Variants in FRMD1 observed in about 807,000 individuals in gnomAD.
FRMD1 encodes FERM domain containing 1.
Under a neutral mutation model 54.9 loss-of-function variants are expected in FRMD1, and 51 were observed. That is an observed-to-expected ratio of 0.93 (90% CI 0.74 to 1.17). The LOEUF is 1.17. Among genes scored for constraint, FRMD1 ranks in the 50% most tolerant of loss-of-function variants. The probability of loss-of-function intolerance (pLI) is 0.00; values close to 1 mark genes in which losing one functional copy is unlikely to be tolerated. For missense variants in FRMD1, 729 were observed against 743.0 expected (o/e 0.98, Z 0.22); for synonymous variants, 324 against 306.4 (o/e 1.06, Z -0.60).
In FRMD1 at chr6:168,089,728, C is replaced by T. The variant is rs188586542; in HGVS notation, c.-11-10704G>A. ...CCAGCGGGGAGCGGAAAATCGAAGG[C>T]GGACGGGCACAGCAACTCTGTTTTA... On this transcript the variant is annotated intron_variant, in intron 1 of 12. Transcript: ENST00000644440. Among the ~76,000 whole-genome samples the T allele has an allele frequency of 6.6e-3, 1,000 of 152,286 alleles. 2 individuals carry two copies. The highest frequency in any genetic ancestry group is 9.4e-3 in the Non-Finnish European group (639 of 68,008).
At chr6:168,075,150 G>A in intron 2 of FRMD1, 95 bp downstream of exon 2, 2 of 988,114 alleles carry the variant, frequency 2.0e-6, no homozygotes, top group Non-Finnish European at 3.2e-6. Flanking sequence ...GTATAACTGT[G>A]TACATTATGG....
upstream of FRMD1, among the ~76,000 whole-genome samples, chr6:168,086,355 C>T (rs1478924184): frequency 6.6e-6 from 1 of 151,952 alleles, no homozygotes; most frequent in Non-Finnish European, 1.5e-5. Context: ...ACCCATGTGC[C>T]CAGTGTGGAC....
At chr6:168,073,760 C>T (rs183870741) in intron 2 of FRMD1, among the ~76,000 whole-genome samples, 42 of 152,272 alleles carry the variant, frequency 2.8e-4, no homozygotes, top group African/African-American at 7.0e-4. Flanking sequence ...TAAAATCTCA[C>T]GCTCCCTTCA....
intron 2 of FRMD1, among the ~76,000 whole-genome samples, chr6:168,071,319 A>G (rs991168358): frequency 6.6e-6 from 1 of 152,272 alleles, no homozygotes; most frequent in South Asian, 2.1e-4. Context: ...TCAAAAATGT[A>G]CACAATTTAC....
Position 168,079,179 on chromosome 6 carries a change from C to G in FRMD1, c.-85G>C. ...GATCACAGCTGTGCTTTCCGGGACC[C>G]GCCCTTGCCGAGCTTCTCACTGGGA... On this transcript the variant is annotated 5_prime_UTR_variant, in exon 1 of 11. Transcript: ENST00000283309. 7.0e-7 allele frequency: 1 copy of G among 1,433,212 alleles called. No homozygotes were observed. Among genetic ancestry groups the G allele is most frequent in the Non-Finnish European group, 9.1e-7 (1 of 1,094,218 alleles). The allele number at this position is 1,433,212 out of a possible 1,614,324, so 88.8% of individuals were successfully genotyped here. A position where few individuals can be genotyped will look rare whatever the true frequency, so the allele number is the denominator to read the frequency against.
chr6:168,089,568 G>A (rs1014581836), intron 1 of FRMD1, among the ~76,000 whole-genome samples: 14 of 152,328 alleles, frequency 9.2e-5, no homozygotes, highest in East Asian at 3.9e-4. Context: ...ACTGTTTACC[G>A]TCACTGTGCA....
At chr6:168,078,855 C>T (rs775015348) in intron 1 of FRMD1, 27 bp downstream of exon 1, 2 of 1,538,226 alleles carry the variant, frequency 1.3e-6, no homozygotes, top group Admixed American at 1.8e-5. Flanking sequence ...TCTGTTTACC[C>T]CCACGGCCAC....
chr6:168,058,094 GGCCCGC>G (rs1799507386), intron 10 of FRMD1, among the ~76,000 whole-genome samples: 1 of 152,230 alleles, frequency 6.6e-6, no homozygotes, highest in African/African-American at 2.4e-5. Flanking sequence ...CACTGGGATG[GGCCCGC>G]GCCTGCCAGG....
At position 168,092,230 on chromosome 6, in the gene FRMD1, A is replaced by G. The variant is rs551283314; in HGVS notation, c.-12+9195T>C. On this transcript the variant is annotated intron_variant, in intron 1 of 12. Transcript: ENST00000644440. ...TATTCATCTATCATGTGTCCTGCTC[A>G]GTGTCACAGCAGCTCCTCCACCCCA... Among the ~76,000 whole-genome samples, 7 of 152,380 alleles carry G rather than the reference A, an allele frequency of 4.6e-5. No homozygotes were observed. The East Asian group carries it at 1.3e-3, about 29-fold the overall frequency.
At chr6:168,069,684 G>A (rs867608845) in intron 2 of FRMD1, among the ~76,000 whole-genome samples, 1 of 152,196 alleles carries the variant, frequency 6.6e-6, no homozygotes, top group African/African-American at 2.4e-5. Context: ...AACTCCTTAA[G>A]CTTAGTACTT....
In FRMD1 at chr6:168,065,033, G is replaced by A. The variant is rs761454212; in HGVS notation, c.486C>T (p.Tyr162=). 6.2e-7 allele frequency: 1 copy of A among 1,608,612 alleles called. No homozygotes were observed. The highest frequency in any genetic ancestry group is 8.5e-7 in the Non-Finnish European group (1 of 1,177,424). The change falls in exon 5 of 11, where the codon TAC becomes TAT. Residue 162 remains tyrosine, a synonymous_variant. Transcript: ENST00000283309. ...VISDHRARHL[Y]YCHLKERVLR... ...GCACGCGCTCCTTCAAGTGGCAGTA[G>A]TACAGGTGCCGTGCCCTGTGGTCGC...
At position 168,059,188 on chromosome 6, in the gene FRMD1, G is replaced by A. The variant is rs1438861566; in HGVS notation, c.1343C>T (p.Ala448Val). The A allele has an allele frequency of 6.3e-6, 10 of 1,583,178 alleles. 1 individual carries two copies. The East Asian group carries it at 2.3e-4, about 36-fold the overall frequency. The change falls in exon 10 of 11, where the codon GCC becomes GTC. Residue 448 changes from alanine to valine, a missense_variant and splice_region_variant. Coordinates refer to ENST00000283309, the MANE Select transcript of FRMD1 (RefSeq NM_024919.6). The surrounding 1 kb of genome is among the most constrained non-coding windows in gnomAD (Gnocchi z 4.4). ...SHPSTRGDSQ[A>V]TRQEPCTQVR... Reference sequence around the variant, plus strand: ...CTGGGTGCAGGGCTCCTGACGAGTGGCTGTGGGAGGAGGCAGCCGTGAGCA... The same window carrying A: ...CTGGGTGCAGGGCTCCTGACGAGTGACTGTGGGAGGAGGCAGCCGTGAGCA...
chr6:168,057,085 G>T lies in FRMD1; in HGVS notation c.*12C>A. On this transcript the variant is annotated 3_prime_UTR_variant, in exon 11 of 11. Coordinates refer to ENST00000283309, the MANE Select transcript of FRMD1 (RefSeq NM_024919.6). ...CCTGGCGGTGCGGACGGTACTGCTG[G>T]GTGGGTGGTGCCTACACCACAAACT... 3.4e-6 allele frequency: 5 copies of T among 1,468,518 alleles called. No homozygotes were observed. The highest frequency in any genetic ancestry group is 4.5e-6 in the Non-Finnish European group (5 of 1,106,184). 91.0% of individuals were successfully genotyped at this position (1,468,518 alleles called of 1,614,324 possible). A position where few individuals can be genotyped will look rare whatever the true frequency, so the allele number is the denominator to read the frequency against.
chr6:168,074,455 CTG>C (rs1428856256), intron 2 of FRMD1, among the ~76,000 whole-genome samples: 2 of 149,378 alleles, frequency 1.3e-5, no homozygotes, highest in African/African-American at 4.9e-5. Flanking sequence ...TGGTGTGTAA[CTG>C]TGTGCATGTG....
intron 1 of FRMD1, among the ~76,000 whole-genome samples, chr6:168,088,743 C>A (rs1197299903): frequency 2.0e-5 from 3 of 152,158 alleles, no homozygotes; most frequent in African/African-American, 7.2e-5. Context: ...CCCCAGGCTA[C>A]CCTCTTACTG....
intron 4 of FRMD1, chr6:168,065,429 C>T (rs1230710492): frequency 3.0e-5 from 31 of 1,024,124 alleles, no homozygotes; most frequent in Non-Finnish European, 3.5e-5. Context: ...AACTTGAATC[C>T]CTGGATGTGG....
In FRMD1 at chr6:168,059,572, G is replaced by A. The variant is rs1799609138; in HGVS notation, c.1343-384C>T. Among the ~76,000 whole-genome samples, 1 of 152,164 alleles carries A rather than the reference G, an allele frequency of 6.6e-6. No individual in the cohort carries two copies. ...CCCTAGGTGATGTTTTGTGACCCTG[G>A]ATGGCCCTGGGTGACTGTAGGTGAT... On this transcript the variant is annotated intron_variant, in intron 9 of 10. Transcript: ENST00000283309. This position sits in a 1 kb window ranked among gnomAD's most constrained non-coding sequence, Gnocchi z 4.4.
At chr6:168,061,332 T>C (rs1469685515) in intron 8 of FRMD1, among the ~76,000 whole-genome samples, 9 of 148,600 alleles carry the variant, frequency 6.1e-5, no homozygotes, top group African/African-American at 1.5e-4. Flanking sequence ...ACCAGGCCTG[T>C]GGGTAAACGC....
chr6:168,060,728 T>C (rs1202585646), intron 9 of FRMD1, 33 bp downstream of exon 9: 1 of 1,585,918 alleles, frequency 6.3e-7, no homozygotes, highest in East Asian at 2.3e-5. Flanking sequence ...ACACTCACTG[T>C]CCCTGAGGCC....
Sources: gnomAD v4.1 joint callset for allele counts (sites outside exome capture counted in the v4.1 genomes callset) on GRCh38, gnomAD v4.1.1 for gene constraint, Gnocchi (gnomAD v3.1) non-coding constraint, MANE v1.5 for transcripts, NCBI Gene and HGNC (gene_info 2026-07-23, HGNC 2026-07-21) for gene names.